LPAR3: variants seen among roughly 807,000 people sequenced by gnomAD.
The protein encoded by LPAR3 is lysophosphatidic acid receptor 3, also known as LPA receptor 3.
In LPAR3, 7 loss-of-function variants were observed where a neutral mutation model predicts 17.8. The ratio of observed to expected loss-of-function variants is 0.39; its 90% CI spans 0.22 to 0.74. The LOEUF is 0.74. LPAR3 is among the 30% of genes least tolerant of loss of function. The pLI is 0.40. For synonymous variants in LPAR3, 179 were observed against 179.9 expected (o/e 0.99, Z 0.04); for missense variants, 391 against 453.4 (o/e 0.86, Z 1.25).
intron 1 of LPAR3, among the ~76,000 whole-genome samples, chr1:84,883,454 C>T (rs1244047223): frequency 6.6e-6 from 1 of 152,186 alleles, no homozygotes; most frequent in Non-Finnish European, 1.5e-5. Flanking sequence ...AGGGGTTTAG[C>T]CAGCTGGGTT....
chr1:84,863,177 C>T (rs532391833), intron 2 of LPAR3, among the ~76,000 whole-genome samples: 3 of 152,054 alleles, frequency 2.0e-5, no homozygotes, highest in South Asian at 2.1e-4. Context: ...CGGGTTCAAG[C>T]GGTTCTCCCA....
rs1307854995 is a variant in LPAR3 at position 84,865,948 on chromosome 1, T to C, written c.173A>G (p.Asn58Ser). The C allele has an allele frequency of 6.2e-7, 1 of 1,613,974 alleles. No individual in the cohort carries two copies. Among genetic ancestry groups the C allele is most frequent in the Admixed American group, 1.7e-5 (1 of 60,000 alleles). Residue 58 changes from asparagine to serine, a missense_variant, in exon 2 of 3, where the codon AAC (asparagine) becomes AGC (serine). Transcript: ENST00000370611. ...GTAGAAGGGGAAATGAAATTTTCTG[T>C]TTTTGATCACTGCCGCGATGACCAG... ...NSLVIAAVIKNRKFHFPFYYL... is the reference protein window; with the variant it reads ...NSLVIAAVIKSRKFHFPFYYL...
intron 2 of LPAR3, 127 bp downstream of exon 2, chr1:84,865,258 G>A (rs1176033153): frequency 4.4e-5 from 46 of 1,036,752 alleles, no homozygotes; most frequent in South Asian, 4.2e-4. Flanking sequence ...GGTGGGTGGC[G>A]ATTTATGTCC....
At chr1:84,874,349 G>C (rs908637734) in intron 1 of LPAR3, among the ~76,000 whole-genome samples, 5 of 152,158 alleles carry the variant, frequency 3.3e-5, no homozygotes, top group Non-Finnish European at 7.3e-5. Flanking sequence ...TAGGCAGGGA[G>C]GACAGCCCAT....
At chr1:84,870,390 T>A (rs1278016882) in intron 1 of LPAR3, among the ~76,000 whole-genome samples, 3 of 152,246 alleles carry the variant, frequency 2.0e-5, no homozygotes, top group Non-Finnish European at 2.9e-5. Flanking sequence ...TGCTCATATC[T>A]ACAGGATCAG....
At chr1:84,827,045 A>T (rs193189299) in intron 2 of LPAR3, among the ~76,000 whole-genome samples, 1 of 152,346 alleles carries the variant, frequency 6.6e-6, no homozygotes, top group Non-Finnish European at 1.5e-5. Context: ...AATTTTATCT[A>T]CAGTTTACTA....
intron 2 of LPAR3, among the ~76,000 whole-genome samples, chr1:84,836,901 T>A (rs1173849168): frequency 6.6e-6 from 1 of 152,214 alleles, no homozygotes; most frequent in Non-Finnish European, 1.5e-5. Flanking sequence ...TATTTACAAT[T>A]GGATGTTTTG....
chr1:84,890,400 A>T (rs1487128343), intron 1 of LPAR3, among the ~76,000 whole-genome samples: 1 of 152,248 alleles, frequency 6.6e-6, no homozygotes, highest in Non-Finnish European at 1.5e-5. Flanking sequence ...AAAAGAGGGC[A>T]ACCAGCATTT....
intron 1 of LPAR3, among the ~76,000 whole-genome samples, chr1:84,884,091 C>T (rs545415511): frequency 1.3e-5 from 2 of 152,192 alleles, no homozygotes; most frequent in African/African-American, 4.8e-5. Context: ...GTTATTACTT[C>T]TTTAAATTTT....
chr1:84,833,375 A>G (rs1659330867), intron 2 of LPAR3, among the ~76,000 whole-genome samples: 1 of 152,188 alleles, frequency 6.6e-6, no homozygotes, highest in Admixed American at 6.5e-5. Flanking sequence ...AGTTAGGTAA[A>G]CTTGGGTAAT....
intron 2 of LPAR3, among the ~76,000 whole-genome samples, chr1:84,851,438 G>A (rs1386743533): frequency 6.6e-6 from 1 of 152,146 alleles, no homozygotes; most frequent in Non-Finnish European, 1.5e-5. Flanking sequence ...GCCAGGCACT[G>A]TACAAGTGAA....
At chr1:84,870,450 T>C (rs1362668803) in intron 1 of LPAR3, among the ~76,000 whole-genome samples, 3 of 152,234 alleles carry the variant, frequency 2.0e-5, no homozygotes, top group Non-Finnish European at 4.4e-5. Flanking sequence ...TCTTTTTCCA[T>C]GTCTAAAATG....
intron 1 of LPAR3, among the ~76,000 whole-genome samples, chr1:84,874,963 G>A (rs1181301948): frequency 6.7e-6 from 1 of 149,846 alleles, no homozygotes; most frequent in Non-Finnish European, 1.5e-5. Context: ...GCAGTGGTAC[G>A]ATCTTGGCTC....
intron 2 of LPAR3, among the ~76,000 whole-genome samples, chr1:84,817,629 C>T (rs1049538760): frequency 6.6e-6 from 1 of 152,066 alleles, no homozygotes; most frequent in Non-Finnish European, 1.5e-5. Flanking sequence ...TTGTGCTGTT[C>T]TGTCGAAGAA....
At chr1:84,882,630 C>T (rs948942995) in intron 1 of LPAR3, among the ~76,000 whole-genome samples, 7 of 152,088 alleles carry the variant, frequency 4.6e-5, no homozygotes, top group African/African-American at 1.7e-4. Context: ...GCATAAAGTC[C>T]AACATATAGA....
chr1:84,889,382 T>C (rs973561236), intron 1 of LPAR3, among the ~76,000 whole-genome samples: 2 of 152,134 alleles, frequency 1.3e-5, no homozygotes, highest in Admixed American at 1.3e-4. Flanking sequence ...GAGGATGGTA[T>C]AGGTGGACCC....
intron 2 of LPAR3, among the ~76,000 whole-genome samples, chr1:84,836,255 T>C (rs1291281912): frequency 1.3e-5 from 2 of 150,774 alleles, no homozygotes; most frequent in Non-Finnish European, 2.9e-5. Context: ...GGAGGATTGC[T>C]TGAGCCCAGG....
chr1:84,864,309 T>C (rs1219560789), intron 2 of LPAR3, among the ~76,000 whole-genome samples: 2 of 152,182 alleles, frequency 1.3e-5, no homozygotes, highest in African/African-American at 4.8e-5. Context: ...AAATACTCTA[T>C]TAACCCATTT....
intron 2 of LPAR3, among the ~76,000 whole-genome samples, chr1:84,857,279 C>G (rs112838938): frequency 0.032 from 4,916 of 152,254 alleles, 123 homozygotes; most frequent in Non-Finnish European, 0.051. Context: ...TTACTTAGTA[C>G]TTACTATGTA....
Sources: allele counts gnomAD v4.1 joint callset (sites outside exome capture counted in the v4.1 genomes callset), GRCh38; gene constraint gnomAD v4.1.1; transcripts MANE v1.5; gene names NCBI Gene and HGNC (gene_info 2026-07-23, HGNC 2026-07-21).